ZNF44: variants seen among roughly 807,000 people sequenced by gnomAD.
ZNF44 encodes zinc finger protein 44.
Under a neutral mutation model 11.7 loss-of-function variants are expected in ZNF44, and 9 were observed. That is an observed-to-expected ratio of 0.77 (90% CI 0.46 to 1.35). ZNF44 has a LOEUF of 1.35. Ranked by LOEUF, ZNF44 falls within the 40% of genes most tolerant of loss-of-function variation. The pLI, the probability that ZNF44 is intolerant of heterozygous loss-of-function variation, is 0.00. For synonymous variants in ZNF44, 224 were observed against 242.7 expected, an observed-to-expected ratio of 0.92 and a Z score of 0.72; for missense variants, 696 against 743.1, an observed-to-expected ratio of 0.94 and a Z score of 0.74.
chr19:12,260,408 C>T, intron 5 of ZNF44: 1 of 1,439,776 alleles, frequency 6.9e-7, no homozygotes. Context: ...GCATCAGACA[C>T]ATGATCCTCA....
In ZNF44 at chr19:12,272,270, T is replaced by C; in HGVS notation, c.*137A>G. On this transcript the variant is annotated 3_prime_UTR_variant, in exon 4 of 4. Coordinates refer to ENST00000355684, the MANE Select transcript of ZNF44 (RefSeq NM_016264.4). The stretch of plus-strand genomic sequence containing the variant: ...TGCCCTCCTCGGCCTCTCAAAGTGC[T>C]GGGATTACAGGTGTGAGCCGCTGCG... The C allele has an allele frequency of 3.8e-6, 5 of 1,322,112 alleles. No homozygotes were observed. The highest frequency in any genetic ancestry group is 4.8e-6 in the Non-Finnish European group (5 of 1,038,838). 81.9% of individuals were successfully genotyped at this position (1,322,112 alleles called of 1,614,324 possible).
At chr19:12,250,301 G>A in exon 6 of ZNF44, 1 of 1,366,942 alleles carries the variant, frequency 7.3e-7, no homozygotes, top group Non-Finnish European at 9.8e-7. Flanking sequence ...TTTTTTCTGT[G>A]AAGGATCCAG....
At chr19:12,247,518 C>T (rs764823029), downstream of ZNF44, 5 of 1,350,262 alleles carry the variant, frequency 3.7e-6, no homozygotes, top group Non-Finnish European at 3.9e-6. Context: ...ACACTGTTTA[C>T]ATTCATAAGG....
At chr19:12,252,848 A>G (rs1405718228) in intron 5 of ZNF44, among the ~76,000 whole-genome samples, 1 of 151,194 alleles carries the variant, frequency 6.6e-6, no homozygotes, top group African/African-American at 2.4e-5. Context: ...CTACAAGTAA[A>G]CTACCTAATT....
At chr19:12,250,459 C>A (rs1490350725) in intron 5 of ZNF44, 1 of 1,075,930 alleles carries the variant, frequency 9.3e-7, no homozygotes, top group Non-Finnish European at 1.2e-6. Flanking sequence ...CACGATGATT[C>A]TGTGATCTCC....
At chr19:12,283,058 A>C (rs1967555176) in intron 1 of ZNF44, among the ~76,000 whole-genome samples, 1 of 152,202 alleles carries the variant, frequency 6.6e-6, no homozygotes, top group African/African-American at 2.4e-5. Flanking sequence ...GAACACATCC[A>C]AATTTGTTGG....
At chr19:12,241,155 A>G (rs1336002329), upstream of ZNF44, among the ~76,000 whole-genome samples, 1 of 152,224 alleles carries the variant, frequency 6.6e-6, no homozygotes, top group Non-Finnish European at 1.5e-5. Flanking sequence ...AATAATGCTC[A>G]TTACCACTGG....
In ZNF44 at chr19:12,273,811, T is replaced by C; in HGVS notation, c.444A>G (p.Lys148=). The change falls in exon 4 of 4, where the codon AAA becomes AAG. Residue 148 remains lysine, a synonymous_variant. Coordinates refer to ENST00000355684, the MANE Select transcript of ZNF44 (RefSeq NM_016264.4). ...GAAAGGAGTGGCGATAACTTAAGCC[T>C]TTCCCACACTGCTTATGTGTATATG... is the stretch of plus-strand genomic sequence containing the variant. ...EKSYTHKQCG[K]GLSYRHSFQT... is the part of the protein sequence containing the mutation. 1 of 1,614,226 alleles carries C rather than the reference T, an allele frequency of 6.2e-7. No homozygotes were observed. Among genetic ancestry groups the C allele is most frequent in the East Asian group, 2.2e-5 (1 of 44,890 alleles).
intron 5 of ZNF44, among the ~76,000 whole-genome samples, chr19:12,253,144 C>T (rs1020635567): frequency 1.3e-5 from 2 of 150,610 alleles, no homozygotes; most frequent in African/African-American, 4.9e-5. Context: ...CCGCCTCAGC[C>T]GCCCGAAGTG....
intron 1 of ZNF44, among the ~76,000 whole-genome samples, chr19:12,279,959 A>T (rs1967400261): frequency 6.6e-6 from 1 of 151,762 alleles, no homozygotes; most frequent in Admixed American, 6.6e-5. Flanking sequence ...ACACACACAT[A>T]TATATGAAGA....
chr19:12,249,960 T>C (rs1916926098), intron 7 of ZNF44: 2 of 1,271,248 alleles, frequency 1.6e-6, no homozygotes, highest in Non-Finnish European at 2.0e-6. Context: ...ACTGCTTTCT[T>C]TTCTGAGTGT....
chr19:12,260,852 T>C (rs916580459), intron 5 of ZNF44, among the ~76,000 whole-genome samples: 2 of 151,986 alleles, frequency 1.3e-5, no homozygotes, highest in Admixed American at 1.3e-4. Context: ...GCTCAAACTC[T>C]AAATGGGCCA....
intron 1 of ZNF44, among the ~76,000 whole-genome samples, chr19:12,286,938 A>T (rs549298486): frequency 3.5e-4 from 53 of 149,648 alleles, no homozygotes; most frequent in Middle Eastern, 3.5e-3. Context: ...AATAAAAAAT[A>T]AAAAAAAAAT....
chr19:12,279,185 T>C (rs1057136538), intron 1 of ZNF44, among the ~76,000 whole-genome samples: 1 of 152,176 alleles, frequency 6.6e-6, no homozygotes, highest in South Asian at 2.1e-4. Context: ...TTATACCCAG[T>C]AGGAAATACA....
At chr19:12,258,884 A>AT (rs1230232436) in intron 5 of ZNF44, among the ~76,000 whole-genome samples, 1 of 151,826 alleles carries the variant, frequency 6.6e-6, no homozygotes. Flanking sequence ...TCACTGTGGG[A>AT]TTTTTTAAGG....
chr19:12,228,082 T>C (rs983082147), intron 3 of ZNF44, among the ~76,000 whole-genome samples: 1 of 152,258 alleles, frequency 6.6e-6, no homozygotes, highest in African/African-American at 2.4e-5. Flanking sequence ...AACTAGATGC[T>C]ACCCCTTCAA....
At chr19:12,249,780 G>A (rs551052613) in intron 7 of ZNF44, among the ~76,000 whole-genome samples, 15 of 152,152 alleles carry the variant, frequency 9.9e-5, no homozygotes, top group African/African-American at 3.6e-4. Context: ...TTGAACTCCC[G>A]ACCTCAGGTG....
At chr19:12,242,298 A>C (rs1306219938), upstream of ZNF44, among the ~76,000 whole-genome samples, 1 of 152,056 alleles carries the variant, frequency 6.6e-6, no homozygotes, top group Non-Finnish European at 1.5e-5. Context: ...ACATGAGGTC[A>C]GGAGTTCAAG....
chr19:12,249,521 AAAAAG>A (rs1916907354), intron 7 of ZNF44, among the ~76,000 whole-genome samples: 1 of 151,514 alleles, frequency 6.6e-6, no homozygotes, highest in Non-Finnish European at 1.5e-5. Context: ...AAAAAAAAAA[AAAAAG>A]AAAAGAAAGC....
Sources: gnomAD v4.1 joint callset for allele counts (sites outside exome capture counted in the v4.1 genomes callset) on GRCh38, gnomAD v4.1.1 for gene constraint, MANE v1.5 for transcripts, NCBI Gene and HGNC (gene_info 2026-07-23, HGNC 2026-07-21) for gene names.